The following SMYD3 variants were observed in gnomAD, a reference collection of about 807,000 sequenced individuals.
SMYD3 encodes SET and MYND domain containing 3.
Under a neutral mutation model 57.7 loss-of-function variants are expected in SMYD3, and 36 were observed. The observed-to-expected ratio is 0.62, with a 90% CI of 0.48 to 0.82. SMYD3 has a LOEUF of 0.82. SMYD3 is among the 40% of genes least tolerant of loss of function. The probability of loss-of-function intolerance (pLI) is 0.00; values close to 1 mark genes in which losing one functional copy is unlikely to be tolerated. For synonymous variants in SMYD3, 211 were observed against 195.0 expected (o/e 1.08, Z -0.68); for missense variants, 515 against 538.8 (o/e 0.96, Z 0.44).
intron 5 of SMYD3, among the ~76,000 whole-genome samples, chr1:245,989,997 C>T (rs1449122625): frequency 2.6e-5 from 4 of 152,158 alleles, no homozygotes; most frequent in Admixed American, 6.5e-5. Context: ...TAATATCATC[C>T]TGTGTTACCT....
chr1:246,433,867 A>G (rs2067332829), intron 1 of SMYD3, among the ~76,000 whole-genome samples: 1 of 152,218 alleles, frequency 6.6e-6, no homozygotes, highest in African/African-American at 2.4e-5. Context: ...ACCCAACTTC[A>G]AAGTATACTA....
At chr1:246,224,124 G>T (rs1359775347) in intron 5 of SMYD3, among the ~76,000 whole-genome samples, 1 of 152,014 alleles carries the variant, frequency 6.6e-6, no homozygotes, top group Non-Finnish European at 1.5e-5. Flanking sequence ...CTGGCAAAAG[G>T]ACTCTGTCCT....
chr1:246,396,663 G>A (rs1435584062), intron 1 of SMYD3, among the ~76,000 whole-genome samples: 1 of 152,176 alleles, frequency 6.6e-6, no homozygotes, highest in African/African-American at 2.4e-5. Flanking sequence ...AGGGCCTGGT[G>A]GGGCACGACT....
chr1:246,487,570 G>A lies in SMYD3; in HGVS notation c.164+19484C>T, dbSNP rs151192018. Among the ~76,000 whole-genome samples, 121 of 152,200 alleles carry A rather than the reference G, an allele frequency of 8.0e-4. 1 individual carries two copies. The East Asian group carries it at 0.023, about 29-fold the overall frequency. ...AACAACCAGGAGACAATCAAAGAAT[G>A]TGTTCATCTATAGAAAGAAAATGTA... On this transcript the variant is annotated intron_variant, in intron 1 of 11. Transcript: ENST00000490107.
intron 5 of SMYD3, among the ~76,000 whole-genome samples, chr1:245,995,892 G>A (rs981480535): frequency 6.6e-6 from 1 of 152,202 alleles, no homozygotes; most frequent in African/African-American, 2.4e-5. Context: ...TTGGTCCTGG[G>A]GATGAGCCCA....
chr1:246,273,161 TGGGGGGGGGACAGAG>T (rs2064259049), intron 5 of SMYD3, among the ~76,000 whole-genome samples: 1 of 131,080 alleles, frequency 7.6e-6, no homozygotes, highest in Non-Finnish European at 1.6e-5. Flanking sequence ...TTCTTTTTTT[TGGGGGGGGGACAGAG>T]TCTTGCTCTG....
chr1:246,146,591 C>T (rs563884800), intron 5 of SMYD3, among the ~76,000 whole-genome samples: 41 of 152,254 alleles, frequency 2.7e-4, no homozygotes, highest in African/African-American at 9.4e-4. Flanking sequence ...AAAAGACTAA[C>T]AGAAGACCGT....
chr1:246,241,527 C>T (rs2063610430), intron 5 of SMYD3, among the ~76,000 whole-genome samples: 1 of 152,194 alleles, frequency 6.6e-6, no homozygotes, highest in Non-Finnish European at 1.5e-5. Flanking sequence ...CATCAATATT[C>T]ATCATGGATA....
intron 5 of SMYD3, among the ~76,000 whole-genome samples, chr1:246,281,371 T>G (rs1389481687): frequency 6.6e-6 from 1 of 152,248 alleles, no homozygotes; most frequent in African/African-American, 2.4e-5. Context: ...TGCCAGAGAC[T>G]ACTACAGTTA....
At chr1:246,359,272 A>G (rs903195192) in intron 1 of SMYD3, among the ~76,000 whole-genome samples, 1 of 152,218 alleles carries the variant, frequency 6.6e-6, no homozygotes, top group Non-Finnish European at 1.5e-5. Context: ...GAAGATATAG[A>G]AACTCTGAAC....
At chr1:246,356,268 C>T (rs917179582) in intron 1 of SMYD3, among the ~76,000 whole-genome samples, 1 of 152,116 alleles carries the variant, frequency 6.6e-6, no homozygotes, top group African/African-American at 2.4e-5. Flanking sequence ...CAAGGGAGAA[C>T]CCCTTGGAAC....
At chr1:246,081,388 GTTTTTCTT>G (rs1038537903) in intron 5 of SMYD3, among the ~76,000 whole-genome samples, 6 of 152,132 alleles carry the variant, frequency 3.9e-5, no homozygotes, top group Non-Finnish European at 8.8e-5. Flanking sequence ...TTTGTTTCTA[GTTTTTCTT>G]TTTTTCTTTT....
intron 5 of SMYD3, among the ~76,000 whole-genome samples, chr1:246,166,844 A>C (rs1346676680): frequency 6.6e-6 from 1 of 152,212 alleles, no homozygotes; most frequent in Non-Finnish European, 1.5e-5. Flanking sequence ...CATTGAGTGC[A>C]TTCACAATGA....
intron 2 of SMYD3, among the ~76,000 whole-genome samples, chr1:246,342,776 A>C (rs955259093): frequency 3.3e-5 from 5 of 152,210 alleles, no homozygotes; most frequent in African/African-American, 1.2e-4. Context: ...GGAAAAAAAG[A>C]ACGTGAATAA....
chr1:246,286,552 T>C (rs2064568425), intron 5 of SMYD3, among the ~76,000 whole-genome samples: 2 of 152,204 alleles, frequency 1.3e-5, no homozygotes, highest in South Asian at 4.1e-4. Context: ...TAGTGCTAGT[T>C]TTCTACAGAC....
intron 11 of SMYD3, among the ~76,000 whole-genome samples, 185 bp from the exon 12 acceptor site, chr1:245,749,849 G>C (rs1156672222): frequency 6.6e-6 from 1 of 152,198 alleles, no homozygotes; most frequent in East Asian, 1.9e-4. Context: ...GGTGATTTCT[G>C]AATGTGGTAT....
At chr1:246,248,135 TAA>T (rs2063739283) in intron 5 of SMYD3, among the ~76,000 whole-genome samples, 4 of 152,146 alleles carry the variant, frequency 2.6e-5, no homozygotes, top group Non-Finnish European at 4.4e-5. Flanking sequence ...GAGCCACTGA[TAA>T]GGTGTTTGGA....
intron 5 of SMYD3, among the ~76,000 whole-genome samples, chr1:246,197,168 AAAGAC>A (rs1475130891): frequency 6.6e-6 from 1 of 152,228 alleles, no homozygotes; most frequent in African/African-American, 2.4e-5. Context: ...GATATAAATA[AAAGAC>A]AAATCTCCTG....
At chr1:246,344,819 T>A (rs1047966282) in intron 2 of SMYD3, among the ~76,000 whole-genome samples, 4 of 152,224 alleles carry the variant, frequency 2.6e-5, no homozygotes, top group Non-Finnish European at 5.9e-5. Context: ...ATTTATCTGG[T>A]GACCAGTGAC....
Sources: gnomAD v4.1 joint callset for allele counts (sites outside exome capture counted in the v4.1 genomes callset) on GRCh38, gnomAD v4.1.1 for gene constraint, MANE v1.5 for transcripts, NCBI Gene and HGNC (gene_info 2026-07-23, HGNC 2026-07-21) for gene names.